ECD: variants seen among roughly 807,000 people sequenced by gnomAD.
ECD encodes the protein protein ecdysoneless homolog.
In ECD, 59 loss-of-function variants were observed where a neutral mutation model predicts 77.2. The observed-to-expected ratio is 0.76, with a 90% CI of 0.62 to 0.95. The LOEUF (loss-of-function observed/expected upper bound fraction) is 0.95, where lower values mean the gene tolerates loss of function less well. Among genes scored for constraint, ECD ranks in the 40% least tolerant of loss-of-function variants. The probability of loss-of-function intolerance (pLI) is 0.00; values close to 1 mark genes in which losing one functional copy is unlikely to be tolerated. For synonymous variants in ECD, 233 were observed against 267.4 expected (o/e 0.87, Z 1.26); for missense variants, 704 against 763.4 (o/e 0.92, Z 0.92).
intron 9 of ECD, 92 bp from the exon 10 acceptor site, chr10:73,139,829 GCTAGT>G: frequency 1.2e-6 from 1 of 835,298 alleles, no homozygotes; most frequent in East Asian, 2.9e-5. Flanking sequence ...GAAGGGATTA[GCTAGT>G]CTAATTTGGG....
chr10:73,154,669 G>T (rs1425345875), intron 5 of ECD, among the ~76,000 whole-genome samples: 1 of 152,096 alleles, frequency 6.6e-6, no homozygotes, highest in Non-Finnish European at 1.5e-5. Context: ...GATTATTGTA[G>T]CTCTATAAAA....
chr10:73,154,028 A>C lies in ECD; in HGVS notation c.783+228T>G, dbSNP rs535883895. Among the ~76,000 whole-genome samples, 4 of 152,318 alleles carry C rather than the reference A, an allele frequency of 2.6e-5. No homozygotes were observed. The East Asian group carries it at 7.7e-4, about 29-fold the overall frequency. Reference sequence around the variant, plus strand: ...GTTTAATGCAAATATTCCAAAATCCAAATAAATCTGAAATCTGAAATACTT... The same window carrying C: ...GTTTAATGCAAATATTCCAAAATCCCAATAAATCTGAAATCTGAAATACTT... On this transcript the variant is annotated intron_variant, in intron 6 of 13. Coordinates refer to ENST00000372979, the MANE Select transcript of ECD (RefSeq NM_007265.3).
rs1842950082 is a variant in ECD at position 73,134,008 on chromosome 10, C to A, written c.*575G>T. On this transcript the variant is annotated 3_prime_UTR_variant, in exon 14 of 14. Transcript: ENST00000372979. Reference sequence around the variant, plus strand: ...CACAATTTTGTAAATATACTAAAAACCACTGAATTGTATAATTTAAAGGGT... The same window carrying A: ...CACAATTTTGTAAATATACTAAAAAACACTGAATTGTATAATTTAAAGGGT... The A allele has an allele frequency of 6.6e-6, 1 of 152,262 alleles. No individual in the cohort carries two copies. The highest frequency in any genetic ancestry group is 1.5e-5 in the Non-Finnish European group (1 of 68,276). 9.4% of individuals were successfully genotyped at this position (152,262 alleles called of 1,614,324 possible). A position where few individuals can be genotyped will look rare whatever the true frequency, so the allele number is the denominator to read the frequency against.
chr10:73,165,030 C>T (rs1843433849), intron 1 of ECD, among the ~76,000 whole-genome samples: 1 of 152,150 alleles, frequency 6.6e-6, no homozygotes, highest in African/African-American at 2.4e-5. Context: ...TATCAAAAAC[C>T]CCAGTTCTGC....
At chr10:73,159,397 A>G (rs962245854) in intron 3 of ECD, among the ~76,000 whole-genome samples, 2 of 152,250 alleles carry the variant, frequency 1.3e-5, no homozygotes, top group African/African-American at 4.8e-5. Flanking sequence ...GTACAGGAAT[A>G]CATATTTAAA....
At chr10:73,160,699 C>A (rs1843364509) in intron 2 of ECD, 148 bp from the exon 3 acceptor site, 2 of 538,502 alleles carry the variant, frequency 3.7e-6, no homozygotes, top group African/African-American at 2.0e-5. Context: ...AAGAAGCCTA[C>A]TCCTGAGGAG....
At chr10:73,145,789 C>A (rs1238765991) in intron 9 of ECD, among the ~76,000 whole-genome samples, 1 of 151,500 alleles carries the variant, frequency 6.6e-6, no homozygotes, top group Non-Finnish European at 1.5e-5. Flanking sequence ...GGACTACAGG[C>A]ACGCACCATC....
At position 73,138,660 on chromosome 10, in the gene ECD, G is replaced by A. The variant is rs556829195; in HGVS notation, c.1422-590C>T. 2.2e-4 allele frequency among the ~76,000 whole-genome samples: 34 copies of A among 152,064 alleles called. No homozygotes were observed. In the South Asian group the frequency reaches 4.1e-3, roughly 19 times the overall value. On this transcript the variant is annotated intron_variant, in intron 11 of 13. Coordinates refer to ENST00000372979, the MANE Select transcript of ECD (RefSeq NM_007265.3). ...CAGCTCACTGCAACCTCTGCCTTCCGGGGTCAAGCGATTCTCCTGCCTCAG... is the reference window on the plus strand; with the variant it reads ...CAGCTCACTGCAACCTCTGCCTTCCAGGGTCAAGCGATTCTCCTGCCTCAG...
intron 7 of ECD, among the ~76,000 whole-genome samples, chr10:73,150,756 C>G (rs1487997331): frequency 2.6e-5 from 4 of 152,124 alleles, no homozygotes; most frequent in Non-Finnish European, 5.9e-5. Flanking sequence ...TTTATGCAGC[C>G]AAAAGACACA....
intron 1 of ECD, among the ~76,000 whole-genome samples, chr10:73,167,552 G>C (rs139958165): frequency 1.3e-5 from 2 of 152,164 alleles, no homozygotes; most frequent in Non-Finnish European, 2.9e-5. Flanking sequence ...TAAGGAACCT[G>C]CTTCTTCTTA....
chr10:73,146,375 A>G lies in ECD; in HGVS notation c.1042-14T>C. On this transcript the variant is annotated splice_polypyrimidine_tract_variant and intron_variant, in intron 8 of 13. Coordinates refer to ENST00000372979, the MANE Select transcript of ECD (RefSeq NM_007265.3). ...TTCTATCAGTCCCTTAAAAAAAAAA[A>G]AAGGTCTATCAGAACATTACTCACA... 1.3e-6 allele frequency: 2 copies of G among 1,573,832 alleles called. No homozygotes were observed.
In ECD at chr10:73,139,337, A is replaced by C. The variant is rs1843019393; in HGVS notation, c.1393T>G (p.Ser465Ala). 3 of 1,613,740 alleles carry C rather than the reference A, an allele frequency of 1.9e-6. No homozygotes were observed. In the African/African-American group the frequency reaches 4.0e-5, roughly 22 times the overall value. The change falls in exon 11 of 14, where the codon TCA (serine) becomes GCA (alanine). Residue 465 changes from serine to alanine, a missense_variant. By Grantham distance (99) the Ser-to-Ala change is moderately conservative. Coordinates refer to ENST00000372979, the MANE Select transcript of ECD (RefSeq NM_007265.3). ...GGCAGCTCTGCTCCCTTGTGGGTTG[A>C]GACTTTGGATATGAAAGCTTTCATG... ...ESMKAFISKVSTHKGAELPRE... is the reference protein window; with the variant it reads ...ESMKAFISKVATHKGAELPRE...
intron 5 of ECD, among the ~76,000 whole-genome samples, chr10:73,154,882 C>T (rs1260830634): frequency 4.6e-5 from 7 of 151,476 alleles, no homozygotes; most frequent in African/African-American, 9.7e-5. Context: ...TGCAGTGAGC[C>T]GAGATCACGC....
intron 5 of ECD, 81 bp from the exon 6 acceptor site, chr10:73,154,529 A>T: frequency 2.3e-6 from 3 of 1,331,592 alleles, no homozygotes; most frequent in Non-Finnish European, 3.0e-6. Flanking sequence ...TCTTTTTGAC[A>T]TCTCTTTGTT....
At chr10:73,153,146 G>T (rs998253408) in intron 6 of ECD, among the ~76,000 whole-genome samples, 4 of 151,896 alleles carry the variant, frequency 2.6e-5, no homozygotes, top group Non-Finnish European at 5.9e-5. Context: ...TCAAACTCCT[G>T]ACCTCAGGTG....
At position 73,150,144 on chromosome 10, in the gene ECD, C is replaced by A. The variant is rs143696147; in HGVS notation, c.913-1740G>T. 2.6e-3 allele frequency among the ~76,000 whole-genome samples: 398 copies of A among 152,252 alleles called. 1 individual carries two copies. Among genetic ancestry groups the A allele is most frequent in the Non-Finnish European group, 4.8e-3 (328 of 68,014 alleles). On this transcript the variant is annotated intron_variant, in intron 7 of 13. Coordinates refer to ENST00000372979, the MANE Select transcript of ECD (RefSeq NM_007265.3). ...AACTATACTGCAAGGCTACAGTAACCAAAACAGCAAGGTACTGGTACCAAA... is the reference window on the plus strand; with the variant it reads ...AACTATACTGCAAGGCTACAGTAACAAAAACAGCAAGGTACTGGTACCAAA...
intron 7 of ECD, among the ~76,000 whole-genome samples, chr10:73,151,275 G>A (rs1282478365): frequency 1.3e-5 from 2 of 149,600 alleles, no homozygotes; most frequent in African/African-American, 4.9e-5. Flanking sequence ...CTATTGCAAG[G>A]ACAAAAAACC....
intron 8 of ECD, 139 bp downstream of exon 8, chr10:73,148,137 C>G (rs1244576216): frequency 9.7e-7 from 1 of 1,027,984 alleles, no homozygotes; most frequent in African/African-American, 1.6e-5. Context: ...ACCTGAGTAC[C>G]ACTGAACTAG....
intron 7 of ECD, among the ~76,000 whole-genome samples, chr10:73,150,133 G>C (rs1564663633): frequency 6.6e-6 from 1 of 152,136 alleles, no homozygotes; most frequent in African/African-American, 2.4e-5. Context: ...ATACTGCAAG[G>C]CTACAGTAAC....
Sources: allele counts gnomAD v4.1 joint callset (sites outside exome capture counted in the v4.1 genomes callset), GRCh38; gene constraint gnomAD v4.1.1; transcripts MANE v1.5; gene names NCBI Gene and HGNC (gene_info 2026-07-23, HGNC 2026-07-21).